Variants in ZNF737 observed in about 807,000 individuals in gnomAD.
ZNF737 encodes the protein zinc finger protein 102 (Y3).
In ZNF737, 13 loss-of-function variants were observed where a neutral mutation model predicts 11.7. The ratio of observed to expected loss-of-function variants is 1.11; its 90% CI spans 0.73 to 1.77. The LOEUF (loss-of-function observed/expected upper bound fraction) is 1.77, where lower values mean the gene tolerates loss of function less well. Ranked by LOEUF, ZNF737 falls within the 40% of genes most tolerant of loss-of-function variation. ZNF737 has a pLI of 0.00. For missense variants in ZNF737, 636 were observed against 638.0 expected (o/e 1.00, Z 0.03); for synonymous variants, 217 against 216.2 (o/e 1.00, Z -0.03).
downstream of ZNF737, among the ~76,000 whole-genome samples, chr19:20,536,793 A>G (rs1555753954): frequency 6.6e-6 from 1 of 152,170 alleles, no homozygotes; most frequent in Non-Finnish European, 1.5e-5. Flanking sequence ...AACACAAAAA[A>G]TTAGCTGTGC....
In ZNF737 at chr19:20,550,676, G is replaced by T. The variant is rs1255933776; in HGVS notation, c.226+1799C>A. Among the ~76,000 whole-genome samples, 4 of 152,136 alleles carry T rather than the reference G, an allele frequency of 2.6e-5. No individual in the cohort carries two copies. In the East Asian group the frequency reaches 7.7e-4, roughly 29 times the overall value. On this transcript the variant is annotated intron_variant, in intron 3 of 3. Transcript: ENST00000427401. ...ACATTAAGGTTGGAAAATTGCTTCAGGCCAGGATTTTGAGACCAGCCTGGG... is the reference window on the plus strand; with the variant it reads ...ACATTAAGGTTGGAAAATTGCTTCATGCCAGGATTTTGAGACCAGCCTGGG...
Position 20,542,247 on chromosome 19 carries a change from A to C in ZNF737, c.*2345T>G. 1 of 927,056 alleles carries C rather than the reference A, an allele frequency of 1.1e-6. No homozygotes were observed. The highest frequency in any genetic ancestry group is 1.3e-6 in the Non-Finnish European group (1 of 779,216). The allele number at this position is 927,056 out of a possible 1,614,324, so 57.4% of individuals were successfully genotyped here. ...AATCTAACAAACTTTTTTTTTTTTG[A>C]GACAGAGTTTTGCTCTTGTTGCCCA... On this transcript the variant is annotated 3_prime_UTR_variant, in exon 4 of 4. Transcript: ENST00000427401.
In ZNF737 at chr19:20,540,750, C is replaced by A; in HGVS notation, c.*3842G>T. ...CTCCAGCCTGGAAGACAGAGCAACA[C>A]TCCATCATGGAAAAAAAAAAAGAGT... On this transcript the variant is annotated 3_prime_UTR_variant, in exon 4 of 4. Transcript: ENST00000427401. The A allele has an allele frequency of 3.5e-6, 3 of 867,082 alleles. No individual in the cohort carries two copies. Among genetic ancestry groups the A allele is most frequent in the Non-Finnish European group, 4.1e-6 (3 of 722,910 alleles). The allele number at this position is 867,082 out of a possible 1,614,324, so 53.7% of individuals were successfully genotyped here.
chr19:20,561,860 T>C (rs1969110578), intron 1 of ZNF737, among the ~76,000 whole-genome samples: 1 of 152,140 alleles, frequency 6.6e-6, no homozygotes, highest in African/African-American at 2.4e-5. Context: ...AATAATTTGG[T>C]AGAGCTACTC....
intron 1 of ZNF737, among the ~76,000 whole-genome samples, chr19:20,563,486 CTT>C (rs59511067): frequency 0.58 from 71,226 of 123,052 alleles, 19,533 homozygotes; most frequent in Admixed American, 0.65. Flanking sequence ...GAAGTGCTTA[CTT>C]TTTTTTTTTT....
downstream of ZNF737, among the ~76,000 whole-genome samples, chr19:20,537,255 C>T (rs956831716): frequency 6.7e-6 from 1 of 150,314 alleles, no homozygotes; most frequent in South Asian, 2.1e-4. Context: ...GGCTGGAGTA[C>T]AATGGCACAA....
rs782320214 is a variant in ZNF737 at position 20,545,947 on chromosome 19, AAAG to A, written c.253_255del (p.Leu85del). ...GAATCTTTTATGCTCTGCTCTGGCC[AAAG>A]ATCTCGGGCAAAATGAGAACACGTA... is the stretch of plus-strand genomic sequence containing the variant. On this transcript the variant is annotated inframe_deletion, in exon 4 of 4. Transcript: ENST00000427401. 4 of 1,558,506 alleles carry A rather than the reference AAAG, an allele frequency of 2.6e-6. No homozygotes were observed. In the South Asian group the frequency reaches 4.9e-5, roughly 19 times the overall value.
At position 20,544,171 on chromosome 19, in the gene ZNF737, T is replaced by A; in HGVS notation, c.*421A>T. On this transcript the variant is annotated 3_prime_UTR_variant, in exon 4 of 4. Coordinates refer to ENST00000427401, the MANE Select transcript of ZNF737 (RefSeq NM_001159293.2). ...AAACTTGTTATAGGATTTGCCACAT[T>A]CCTCAAACTTGTAGGATTTTTGTCC... The A allele has an allele frequency of 9.9e-7, 1 of 1,009,502 alleles. No homozygotes were observed. Among genetic ancestry groups the A allele is most frequent in the Non-Finnish European group, 1.2e-6 (1 of 844,806 alleles). The allele number at this position is 1,009,502 out of a possible 1,614,324, so 62.5% of individuals were successfully genotyped here.
chr19:20,540,834 C>G lies in ZNF737; in HGVS notation c.*3758G>C. ...GATATCAACTGGATATAATAATTAA[C>G]TACTTTTTAGTTTTATTCATTACAA... is the stretch of plus-strand genomic sequence containing the variant. On this transcript the variant is annotated 3_prime_UTR_variant, in exon 4 of 4. Transcript: ENST00000427401. 1 of 924,614 alleles carries G rather than the reference C, an allele frequency of 1.1e-6. No homozygotes were observed. The highest frequency in any genetic ancestry group is 1.3e-6 in the Non-Finnish European group (1 of 774,984). 57.3% of individuals were successfully genotyped at this position (924,614 alleles called of 1,614,324 possible).
chr19:20,553,009 C>A (rs1555759060), intron 2 of ZNF737, among the ~76,000 whole-genome samples: 1 of 121,718 alleles, frequency 8.2e-6, no homozygotes, highest in Non-Finnish European at 1.8e-5. Flanking sequence ...GAGACTCTGT[C>A]CCCGAAAAAA....
Position 20,543,319 on chromosome 19 carries a change from T to C in ZNF737, c.*1273A>G, listed in dbSNP as rs1332391599. On this transcript the variant is annotated 3_prime_UTR_variant, in exon 4 of 4. Coordinates refer to ENST00000427401, the MANE Select transcript of ZNF737 (RefSeq NM_001159293.2). The stretch of plus-strand genomic sequence containing the variant: ...TAGGATTTTCCTCCAGTACAAAATG[T>C]GTGCAATAAGATCTGTGATACTAGT... 2 of 985,850 alleles carry C rather than the reference T, an allele frequency of 2.0e-6. No individual in the cohort carries two copies. The highest frequency in any genetic ancestry group is 1.2e-4 in the Admixed American group (2 of 16,270). 61.1% of individuals were successfully genotyped at this position (985,850 alleles called of 1,614,324 possible).
chr19:20,544,826 G>A lies in ZNF737; in HGVS notation c.1377C>T (p.Gly459=). ...GEKPYKCEEC[G]KAFNSSSHLT... Reference sequence around the variant, plus strand: ...GGTGTGAGGACGAGTTGAAGGCTTTGCCACATTCTTCACATTTGTAGGGTT... The same window carrying A: ...GGTGTGAGGACGAGTTGAAGGCTTTACCACATTCTTCACATTTGTAGGGTT... The change falls in exon 4 of 4, where the codon GGC becomes GGT. Residue 459 remains glycine (G), a synonymous_variant. Transcript: ENST00000427401. 6.2e-7 allele frequency: 1 copy of A among 1,613,312 alleles called. No individual in the cohort carries two copies. The highest frequency in any genetic ancestry group is 1.7e-5 in the Admixed American group (1 of 59,974).
chr19:20,553,026 A>AC lies in ZNF737; in HGVS notation c.131-457_131-456insG, dbSNP rs1475442738. ...GACTCTGTCCCCGAAAAAAAAAAAA[A>AC]AAAAAAAGAAAAAGAAAGAAAATAC... On this transcript the variant is annotated intron_variant, in intron 2 of 3. Transcript: ENST00000427401. 1.4e-3 allele frequency among the ~76,000 whole-genome samples: 216 copies of AC among 149,838 alleles called. 2 individuals are homozygous for AC. Among genetic ancestry groups the AC allele is most frequent in the African/African-American group, 4.4e-3 (180 of 40,936 alleles).
At chr19:20,536,153 GAAA>G (rs1281430627), downstream of ZNF737, 2 of 974,808 alleles carry the variant, frequency 2.1e-6, no homozygotes, top group Non-Finnish European at 2.4e-6. Context: ...ACAAAAAACT[GAAA>G]AAAAATTAGC....
At position 20,539,363 on chromosome 19, in the gene ZNF737, A is replaced by G. The variant is rs572295997; in HGVS notation, c.*5229T>C. The G allele has an allele frequency of 8.1e-6, 8 of 985,320 alleles. No homozygotes were observed. The East Asian group carries it at 9.1e-4, about 112-fold the overall frequency. 61.0% of individuals were successfully genotyped at this position (985,320 alleles called of 1,614,324 possible). On this transcript the variant is annotated 3_prime_UTR_variant, in exon 4 of 4. Transcript: ENST00000427401. ...AGCCCCTATAAAATACTCCCTTTGA[A>G]TACTTTAGCCAGGATTTCAGATTTC...
chr19:20,564,819 CA>C (rs71172602), intron 1 of ZNF737, among the ~76,000 whole-genome samples: 97,317 of 146,904 alleles, frequency 0.66, 31,827 homozygotes, highest in Admixed American at 0.73. Context: ...ATTTCTACCT[CA>C]AAAAAAAAAA....
At chr19:20,552,735 C>T (rs374387064) in intron 2 of ZNF737, among the ~76,000 whole-genome samples, 165 bp from the exon 3 acceptor site, 6 of 151,590 alleles carry the variant, frequency 4.0e-5, no homozygotes, top group African/African-American at 1.5e-4. Flanking sequence ...TTAAATTTGC[C>T]AGGTGCAGTT....
At chr19:20,563,381 T>A (rs1969176291) in intron 1 of ZNF737, among the ~76,000 whole-genome samples, 1 of 151,486 alleles carries the variant, frequency 6.6e-6, no homozygotes, top group African/African-American at 2.4e-5. Flanking sequence ...AGGTTCAAGC[T>A]TTGATTTCCA....
chr19:20,534,757 A>G (rs1454138211), downstream of ZNF737, among the ~76,000 whole-genome samples: 1 of 150,002 alleles, frequency 6.7e-6, no homozygotes, highest in Non-Finnish European at 1.5e-5. Context: ...TTTGATCAGT[A>G]GCCTCTTTCA....
Sources: allele counts gnomAD v4.1 joint callset (sites outside exome capture counted in the v4.1 genomes callset), GRCh38; gene constraint gnomAD v4.1.1; transcripts MANE v1.5; gene names NCBI Gene and HGNC (gene_info 2026-07-23, HGNC 2026-07-21).